Variants in AP3D1 observed in about 807,000 individuals in gnomAD.
The protein encoded by AP3D1 is AP-3 complex subunit delta-1.
Under a neutral mutation model 147.6 loss-of-function variants are expected in AP3D1, and 51 were observed. The ratio of observed to expected loss-of-function variants is 0.35; its 90% confidence interval spans 0.28 to 0.44. The LOEUF is 0.44. AP3D1 is among the 20% of genes least tolerant of loss of function. AP3D1 has a pLI of 1.00. For missense variants in AP3D1, 1,421 were observed against 1,624.2 expected, an observed-to-expected ratio of 0.87 and a Z score of 2.15; for synonymous variants, 760 against 663.0, an observed-to-expected ratio of 1.15 and a Z score of -2.25.
At chr19:2,164,110 C>A in intron 1 of AP3D1, 1 of 274,352 alleles carries the variant, frequency 3.6e-6, no homozygotes, top group Non-Finnish European at 5.7e-6. Context: ...CCCGCCCGCC[C>A]TCCTCCGCCC....
chr19:2,128,511 CACAGCTCCGACACTG>C lies in AP3D1; in HGVS notation c.806+564_806+578del, dbSNP rs2018831572. On this transcript the variant is annotated intron_variant, in intron 8 of 31. Coordinates refer to ENST00000643116, the MANE Select transcript of AP3D1 (RefSeq NM_001261826.3). ...TGCACCCCGTGGAGCCGGCCCGCCC[CACAGCTCCGACACTG>C]CACCCCGTGGAGCCGGCCCGCCCCA... Among the ~76,000 whole-genome samples, 5 of 128,948 alleles carry C rather than the reference CACAGCTCCGACACTG, an allele frequency of 3.9e-5. No individual in the cohort carries two copies. In the East Asian group the frequency reaches 1.0e-3, roughly 26 times the overall value. The allele number at this position is 128,948 out of a possible 152,430, so 84.6% of individuals were successfully genotyped here.
intron 9 of AP3D1, 21 bp downstream of exon 9, chr19:2,127,131 G>A (rs750466619): frequency 1.9e-6 from 3 of 1,613,376 alleles, no homozygotes; most frequent in Non-Finnish European, 2.5e-6. Context: ...CCTTCCAGAT[G>A]GGGAGAGTGC....
In AP3D1 at chr19:2,111,164, G is replaced by T; in HGVS notation, c.2985+121C>A. On this transcript the variant is annotated intron_variant, in intron 26 of 31. Transcript: ENST00000643116. ...GCTGCCCAAGCAACGCCCCTGCCAGGAATCACAGGCCCTGGGTATACCAAC... is the reference window on the plus strand; with the variant it reads ...GCTGCCCAAGCAACGCCCCTGCCAGTAATCACAGGCCCTGGGTATACCAAC... 8 of 1,299,180 alleles carry T rather than the reference G, an allele frequency of 6.2e-6. No homozygotes were observed. The South Asian group carries it at 9.5e-5, about 15-fold the overall frequency. The allele number at this position is 1,299,180 out of a possible 1,614,324, so 80.5% of individuals were successfully genotyped here. A position where few individuals can be genotyped will look rare whatever the true frequency, so the allele number is the denominator to read the frequency against.
At position 2,109,244 on chromosome 19, in the gene AP3D1, C is replaced by T. The variant is rs375053171; in HGVS notation, c.3351-37G>A. The T allele has an allele frequency of 7.3e-5, 113 of 1,537,676 alleles. No individual in the cohort carries two copies. The East Asian group carries it at 2.0e-3, about 28-fold the overall frequency. ...ACAGGGAGGCTGACTGCGGTGGGGCCGGGCTCCTCAGGCTTCCTGGCACAG... is the reference window on the plus strand; with the variant it reads ...ACAGGGAGGCTGACTGCGGTGGGGCTGGGCTCCTCAGGCTTCCTGGCACAG... On this transcript the variant is annotated intron_variant, in intron 29 of 31. Transcript: ENST00000643116.
intron 2 of AP3D1, among the ~76,000 whole-genome samples, chr19:2,138,178 C>T (rs139315306): frequency 6.6e-6 from 1 of 152,304 alleles, no homozygotes; most frequent in African/African-American, 2.4e-5. Context: ...CTCGTCCTCC[C>T]ACGGGGAAAC....
chr19:2,113,153 C>A, intron 23 of AP3D1, 183 bp downstream of exon 23: 1 of 628,120 alleles, frequency 1.6e-6, no homozygotes, highest in East Asian at 2.8e-5. Flanking sequence ...CTTCCCCTGG[C>A]CCCTGCTTGG....
chr19:2,117,290 G>A lies in AP3D1; in HGVS notation c.1791C>T (p.Ser597=), dbSNP rs762900781. The A allele has an allele frequency of 1.7e-5, 28 of 1,612,734 alleles. No homozygotes were observed. Among genetic ancestry groups the A allele is most frequent in the East Asian group, 6.7e-5 (3 of 44,856 alleles). The stretch of plus-strand genomic sequence containing the variant: ...GGTTCAGCTCCCCAGCAAAGAGAGC[G>A]CTGACCTCCTCTGCCACAGGCACGT... ...AKDVPVAEEV[S]ALFAGELNPV... The change falls in exon 16 of 32, where the codon AGC becomes AGT. Residue 597 remains serine (S), a synonymous_variant. Transcript: ENST00000643116.
intron 6 of AP3D1, 102 bp from the exon 7 acceptor site, chr19:2,129,559 T>C: frequency 4.3e-6 from 6 of 1,401,440 alleles, no homozygotes; most frequent in African/African-American, 1.4e-5. Context: ...CTGCAGCAGC[T>C]CCCACTGAAC....
chr19:2,127,774 G>A (rs913468645), intron 8 of AP3D1, among the ~76,000 whole-genome samples: 1 of 152,188 alleles, frequency 6.6e-6, no homozygotes, highest in East Asian at 1.9e-4. Flanking sequence ...TGATCTACTC[G>A]CCTTGGCCTC....
intron 16 of AP3D1, 179 bp downstream of exon 16, chr19:2,117,043 G>T: frequency 1.1e-6 from 1 of 886,328 alleles, no homozygotes; most frequent in Non-Finnish European, 1.6e-6. Flanking sequence ...GCAGAAGCCA[G>T]ATCCCAGAAC....
At chr19:2,126,495 A>G (rs1197936620) in intron 9 of AP3D1, among the ~76,000 whole-genome samples, 1 of 152,032 alleles carries the variant, frequency 6.6e-6, no homozygotes, top group African/African-American at 2.4e-5. Context: ...GTCTACTAAA[A>G]ATACAAAAAT....
chr19:2,130,673 A>C, intron 5 of AP3D1, 136 bp from the exon 6 acceptor site: 1 of 1,355,708 alleles, frequency 7.4e-7, no homozygotes, highest in Non-Finnish European at 1.0e-6. Flanking sequence ...CCCAGGGGCC[A>C]CAGACCAGCA....
chr19:2,144,629 G>A lies in AP3D1; in HGVS notation c.97-5915C>T, dbSNP rs545706563. 5.9e-5 allele frequency among the ~76,000 whole-genome samples: 9 copies of A among 152,074 alleles called. No homozygotes were observed. The South Asian group carries it at 1.5e-3, about 25-fold the overall frequency. On this transcript the variant is annotated intron_variant, in intron 1 of 31. Transcript: ENST00000643116. ...CCATTAAAACCCTCTGAGTCAAGGC[G>A]GGGCACAATGGCTCACACCTGTAAT...
At chr19:2,104,673 T>TG (rs573533766) in intron 31 of AP3D1, among the ~76,000 whole-genome samples, 2 of 113,390 alleles carry the variant, frequency 1.8e-5, no homozygotes, top group Non-Finnish European at 4.2e-5. Context: ...CAAGTTTTTT[T>TG]TTTTTTTTTT....
intron 4 of AP3D1, among the ~76,000 whole-genome samples, chr19:2,136,385 C>T (rs1034000213): frequency 9.9e-5 from 15 of 152,186 alleles, no homozygotes; most frequent in African/African-American, 1.7e-4. Context: ...GAGCCGGGAC[C>T]GTGGCCTCTG....
In AP3D1 at chr19:2,109,884, AGTG is replaced by A; in HGVS notation, c.3336_3338del (p.Thr1113del). On this transcript the variant is annotated inframe_deletion, in exon 29 of 32. Transcript: ENST00000643116. Reference sequence around the variant, plus strand: ...GGCCTGGGCCCCACCTGTAGCAGGGAGTGGTGATCAAGTAGGAGCTGCAGCTGA... The same window carrying A: ...GGCCTGGGCCCCACCTGTAGCAGGGAGTGATCAAGTAGGAGCTGCAGCTGA... The A allele has an allele frequency of 6.2e-7, 1 of 1,613,310 alleles. No individual in the cohort carries two copies. Among genetic ancestry groups the A allele is most frequent in the Non-Finnish European group, 8.5e-7 (1 of 1,179,904 alleles).
chr19:2,149,130 G>A (rs926450107), intron 1 of AP3D1, among the ~76,000 whole-genome samples: 26 of 152,134 alleles, frequency 1.7e-4, no homozygotes, highest in African/African-American at 6.3e-4. Flanking sequence ...CATAACAATC[G>A]TCTTCCAGTG....
chr19:2,107,806 C>A (rs1444983718), intron 31 of AP3D1, among the ~76,000 whole-genome samples: 2 of 148,730 alleles, frequency 1.3e-5, no homozygotes, highest in African/African-American at 4.9e-5. Context: ...AAAAGAGACA[C>A]AAACCGTGAC....
intron 1 of AP3D1, among the ~76,000 whole-genome samples, chr19:2,147,772 T>G (rs1046664761): frequency 2.6e-5 from 4 of 151,116 alleles, no homozygotes; most frequent in Non-Finnish European, 4.4e-5. Context: ...CACTCGCCTG[T>G]TGTCCCAGCT....
Sources: allele counts gnomAD v4.1 joint callset (sites outside exome capture counted in the v4.1 genomes callset), GRCh38; gene constraint gnomAD v4.1.1; transcripts MANE v1.5; gene names NCBI Gene and HGNC (gene_info 2026-07-23, HGNC 2026-07-21).